VPS13C: variants seen among roughly 807,000 people sequenced by gnomAD.
VPS13C encodes the protein vacuolar protein sorting 13 homolog C, also known as intermembrane lipid transfer protein VPS13C.
In VPS13C, 358 loss-of-function variants were observed where a neutral mutation model predicts 456.8. That is an observed-to-expected ratio of 0.78 (90% confidence interval 0.72 to 0.86). VPS13C has a LOEUF of 0.86. Ranked by LOEUF, VPS13C falls within the 40% of genes least tolerant of loss-of-function variation. The pLI, the probability that VPS13C is intolerant of heterozygous loss-of-function variation, is 0.00. For synonymous variants in VPS13C, 1,578 were observed against 1,486.7 expected, an observed-to-expected ratio of 1.06 and a Z score of -1.41; for missense variants, 4,818 against 4,385.4, an observed-to-expected ratio of 1.10 and a Z score of -2.79.
chr15:61,911,209 A>T (rs1398233791), intron 63 of VPS13C, among the ~76,000 whole-genome samples: 3 of 152,216 alleles, frequency 2.0e-5, no homozygotes, highest in African/African-American at 7.2e-5. Context: ...CTTCTGGCAC[A>T]CATTCCCCCA....
At chr15:61,889,874 AACACAC>A (rs10689074) in intron 67 of VPS13C, among the ~76,000 whole-genome samples, 3 of 150,654 alleles carry the variant, frequency 2.0e-5, no homozygotes, top group Non-Finnish European at 3.0e-5. Context: ...TAACTCATTA[AACACAC>A]ACACACACAC....
At chr15:62,041,597 C>T (rs1045997682) in intron 2 of VPS13C, among the ~76,000 whole-genome samples, 1 of 152,108 alleles carries the variant, frequency 6.6e-6, no homozygotes. Context: ...GCGGGTGGAT[C>T]GCCTGAGTTC....
chr15:61,991,858 G>C, intron 16 of VPS13C, 56 bp from the exon 17 acceptor site: 12 of 1,540,316 alleles, frequency 7.8e-6, no homozygotes, highest in Non-Finnish European at 1.0e-5. Flanking sequence ...TTCATTTTCA[G>C]GTGTAGCCTG....
chr15:62,044,124 G>T, intron 2 of VPS13C, 88 bp downstream of exon 2: 1 of 833,242 alleles, frequency 1.2e-6, no homozygotes, highest in Non-Finnish European at 1.9e-6. Flanking sequence ...ACTTTATCTA[G>T]TACATGGTAT....
Position 61,990,551 on chromosome 15 carries a change from C to A in VPS13C, c.1578+449G>T, listed in dbSNP as rs989914701. 1.8e-4 allele frequency among the ~76,000 whole-genome samples: 28 copies of A among 152,174 alleles called. 1 individual carries two copies. Among genetic ancestry groups the A allele is most frequent in the Non-Finnish European group, 1.5e-5 (1 of 68,036 alleles). On this transcript the variant is annotated intron_variant, in intron 18 of 84. Coordinates refer to ENST00000644861, the MANE Select transcript of VPS13C (RefSeq NM_020821.3). ...GGAGGCTGGGCACGGTGGCTCACCCCTGTAATCCCAGCACTTTGGGAGGCC... is the reference window on the plus strand; with the variant it reads ...GGAGGCTGGGCACGGTGGCTCACCCATGTAATCCCAGCACTTTGGGAGGCC...
Position 62,023,817 on chromosome 15 carries a change from A to C in VPS13C, c.477T>G (p.His159Gln). ...PGRKRKKHKK[H>Q]FKKPFKGLDR... ...CAAGACCTTTAAAAGGTTTCTTAAAATGTTTTTTGTGCTTTTTACGTTTAC... is the reference window on the plus strand; with the variant it reads ...CAAGACCTTTAAAAGGTTTCTTAAACTGTTTTTTGTGCTTTTTACGTTTAC... Residue 159 changes from histidine to glutamine, a missense_variant, in exon 7 of 85, where the codon CAT becomes CAG. His to Gln is a conservative substitution (Grantham distance 24). Around this residue, in one of 3 missense-constraint regions of VPS13C, gnomAD observed 4,552 missense variants for 4,130.6 expected, o/e 1.10. Coordinates refer to ENST00000644861, the MANE Select transcript of VPS13C (RefSeq NM_020821.3). 6.2e-7 allele frequency: 1 copy of C among 1,611,080 alleles called. No individual in the cohort carries two copies. Among genetic ancestry groups the C allele is most frequent in the Non-Finnish European group, 8.5e-7 (1 of 1,178,396 alleles).
Position 61,875,820 on chromosome 15 carries a change from A to G in VPS13C, c.10250T>C (p.Val3417Ala). ...GTTTCCAAGTACATCTAACCCCAATACAAGGACATACATCTGTTTCAAGAA... is the reference window on the plus strand; with the variant it reads ...GTTTCCAAGTACATCTAACCCCAATGCAAGGACATACATCTGTTTCAAGAA... ...EQFLKQMYVLVLGLDVLGNPF... is the reference protein window; with the variant it reads ...EQFLKQMYVLALGLDVLGNPF... The change falls in exon 76 of 85, where the codon GTA becomes GCA. Residue 3417 changes from valine (V) to alanine (A), a missense_variant. Val to Ala is a moderately conservative substitution (Grantham distance 64). Transcript: ENST00000644861. The G allele has an allele frequency of 6.2e-7, 1 of 1,600,158 alleles. No homozygotes were observed. Among genetic ancestry groups the G allele is most frequent in the Non-Finnish European group, 8.5e-7 (1 of 1,175,722 alleles).
At chr15:61,878,248 A>G (rs986303876) in intron 74 of VPS13C, among the ~76,000 whole-genome samples, 10 of 151,876 alleles carry the variant, frequency 6.6e-5, no homozygotes, top group African/African-American at 2.4e-4. Flanking sequence ...TTGAATTTCA[A>G]TTCAATAACA....
Position 61,920,197 on chromosome 15 carries a change from C to T in VPS13C, c.7347G>A (p.Glu2449=), listed in dbSNP as rs1288680737. 6.2e-7 allele frequency: 1 copy of T among 1,613,630 alleles called. No individual in the cohort carries two copies. Among genetic ancestry groups the T allele is most frequent in the East Asian group, 2.2e-5 (1 of 44,856 alleles). The stretch of plus-strand genomic sequence containing the variant: ...CATCAACATCAAAAATATCACTTTT[C>T]TCAGGGAAGCCCATTACTCTGAGAT... ...NCNLRVMGFP[E]KSDIFDVDAG... The change falls in exon 57 of 85, where the codon GAG becomes GAA. Residue 2449 remains glutamate (E), a synonymous_variant. Coordinates refer to ENST00000644861, the MANE Select transcript of VPS13C (RefSeq NM_020821.3).
rs549582442 is a variant in VPS13C, at chr15:62,001,130, C to G, written c.1291-504G>C. ...GTACGTGGGGGAATCCAACATTAAC[C>G]AGGTGACCTGTGTTCCAAGTGCTTT... On this transcript the variant is annotated intron_variant, in intron 15 of 84. Transcript: ENST00000644861. Among the ~76,000 whole-genome samples the G allele has an allele frequency of 9.2e-5, 14 of 152,304 alleles. No individual in the cohort carries two copies. In the South Asian group the frequency reaches 2.9e-3, roughly 32 times the overall value.
chr15:61,939,915 A>C (rs1294435911), intron 47 of VPS13C, among the ~76,000 whole-genome samples: 1 of 150,136 alleles, frequency 6.7e-6, no homozygotes, highest in Admixed American at 6.7e-5. Flanking sequence ...AATCGCTTGA[A>C]CCCAGCTAGT....
At chr15:62,000,807 A>T (rs915607479) in intron 15 of VPS13C, among the ~76,000 whole-genome samples, 181 bp from the exon 16 acceptor site, 7 of 152,206 alleles carry the variant, frequency 4.6e-5, no homozygotes, top group Non-Finnish European at 8.8e-5. Flanking sequence ...AGTAAGAGAA[A>T]ATAAGTTTTC....
intron 1 of VPS13C, 102 bp downstream of exon 1, chr15:62,060,173 T>G (rs1281592393): frequency 5.4e-6 from 3 of 559,046 alleles, no homozygotes; most frequent in Non-Finnish European, 9.3e-6. Context: ...ATGGGGAGTC[T>G]CAGGCGGCGC....
intron 61 of VPS13C, among the ~76,000 whole-genome samples, chr15:61,914,424 C>T (rs964972753): frequency 1.3e-5 from 2 of 151,846 alleles, no homozygotes; most frequent in African/African-American, 4.8e-5. Context: ...CAAAAATTAG[C>T]ACTGTGTGGC....
intron 18 of VPS13C, among the ~76,000 whole-genome samples, chr15:61,990,688 G>A (rs113854929): frequency 6.6e-6 from 1 of 152,192 alleles, no homozygotes; most frequent in African/African-American, 2.4e-5. Flanking sequence ...GCAGGTGCCT[G>A]TAATCCCAGC....
At chr15:61,932,487 T>A (rs1447932227) in intron 49 of VPS13C, among the ~76,000 whole-genome samples, 1 of 151,328 alleles carries the variant, frequency 6.6e-6, no homozygotes, top group Non-Finnish European at 1.5e-5. Context: ...TATTCTACCA[T>A]AACATATAAT....
Position 61,864,519 on chromosome 15 carries a change from G to A in VPS13C, c.10864-991C>T, listed in dbSNP as rs936810855. On this transcript the variant is annotated intron_variant, in intron 81 of 84. Transcript: ENST00000644861. The stretch of plus-strand genomic sequence containing the variant: ...AATAAATAAGACCTTGACATTTTAC[G>A]ACCAAGAATATAATGCCAATATTAT... 6 of 868,174 alleles carry A rather than the reference G, an allele frequency of 6.9e-6. No homozygotes were observed. The African/African-American group carries it at 9.1e-5, about 13-fold the overall frequency. The allele number at this position is 868,174 out of a possible 1,614,324, so 53.8% of individuals were successfully genotyped here.
chr15:62,012,973 C>G, intron 11 of VPS13C, 66 bp downstream of exon 11: 3 of 1,200,534 alleles, frequency 2.5e-6, no homozygotes, highest in Non-Finnish European at 3.6e-6. Context: ...CATGAAGGCC[C>G]TCTTATATTA....
rs541288192 is a variant in VPS13C, at chr15:61,856,396, T to C, written c.10966A>G (p.Ile3656Val). ...LMVTNRRVLC[I>V]KEVEILGLMC... ...AGGCCCAGGATTTCAACTTCCTTTA[T>C]ACACAACACTCGCCTATTTTGCAAA... The change falls in exon 83 of 85, where the codon ATA (isoleucine) becomes GTA (valine). Residue 3656 changes from isoleucine (I) to valine (V), a missense_variant. Coordinates refer to ENST00000644861, the MANE Select transcript of VPS13C (RefSeq NM_020821.3). 2.5e-6 allele frequency: 4 copies of C among 1,612,282 alleles called. No individual in the cohort carries two copies. The East Asian group carries it at 8.9e-5, about 36-fold the overall frequency.
Sources: gnomAD v4.1 joint callset for allele counts (sites outside exome capture counted in the v4.1 genomes callset) on GRCh38, gnomAD v4.1.1 for gene constraint, gnomAD v4.1.1 regional missense constraint, MANE v1.5 for transcripts, NCBI Gene and HGNC (gene_info 2026-07-23, HGNC 2026-07-21) for gene names.